The following CSMD1 variants were observed in gnomAD, a reference collection of about 807,000 sequenced individuals.
CSMD1 encodes the protein CUB and sushi domain-containing protein 1.
CSMD1 carries 213 observed loss-of-function variants against 417.5 expected under a neutral mutation model. That is an observed-to-expected ratio of 0.51 (90% confidence interval 0.46 to 0.57). The LOEUF (loss-of-function observed/expected upper bound fraction) is 0.57, where lower values mean the gene tolerates loss of function less well. Among genes scored for constraint, CSMD1 ranks in the 20% least tolerant of loss-of-function variants. The pLI is 0.00. For synonymous variants in CSMD1, 2,862 were observed against 1,736.8 expected (o/e 1.65, Z -16.11); for missense variants, 6,923 against 4,529.7 (o/e 1.53, Z -15.17).
rs116686253 is a variant in CSMD1, at chr8:4,429,128, T to A, written c.303-9063A>T. 5.3e-3 allele frequency among the ~76,000 whole-genome samples: 801 copies of A among 151,572 alleles called. 11 individuals are homozygous for A. The highest frequency in any genetic ancestry group is 0.016 in the African/African-American group (673 of 41,358). ...ACTACTGGTAATCAGTTTTTTTCTATGAAAACTGATATATAATTGGATTAT... is the reference window on the plus strand; with the variant it reads ...ACTACTGGTAATCAGTTTTTTTCTAAGAAAACTGATATATAATTGGATTAT... On this transcript the variant is annotated intron_variant, in intron 2 of 69. Coordinates refer to ENST00000635120, the MANE Select transcript of CSMD1 (RefSeq NM_033225.6).
intron 12 of CSMD1, among the ~76,000 whole-genome samples, chr8:3,417,959 T>C (rs982486761): frequency 2.0e-5 from 3 of 152,146 alleles, no homozygotes; most frequent in African/African-American, 7.2e-5. Context: ...CATGACTCTC[T>C]CCTTGTCCGT....
At chr8:4,225,507 T>C (rs1326489651) in intron 3 of CSMD1, among the ~76,000 whole-genome samples, 1 of 151,734 alleles carries the variant, frequency 6.6e-6, no homozygotes, top group Admixed American at 6.6e-5. Context: ...TCATCACTTT[T>C]TTTTTTTTTT....
intron 2 of CSMD1, among the ~76,000 whole-genome samples, chr8:4,519,914 T>G (rs564381454): frequency 8.4e-5 from 12 of 142,130 alleles, no homozygotes; most frequent in Non-Finnish European, 1.1e-4. Context: ...TTCTCTTACA[T>G]TATGTAGTGT....
At chr8:4,155,511 G>A (rs1240894001) in intron 3 of CSMD1, among the ~76,000 whole-genome samples, 2 of 152,106 alleles carry the variant, frequency 1.3e-5, no homozygotes, top group Non-Finnish European at 2.9e-5. Context: ...GTTCTTAAAC[G>A]CCAAACTTAA....
intron 10 of CSMD1, among the ~76,000 whole-genome samples, chr8:3,518,279 A>C (rs7831146): frequency 0.067 from 10,179 of 152,268 alleles, 959 homozygotes; most frequent in African/African-American, 0.21. Context: ...AAATTATATA[A>C]GAGAGAATTA....
At chr8:3,900,873 T>G (rs1807701312) in intron 5 of CSMD1, among the ~76,000 whole-genome samples, 1 of 152,226 alleles carries the variant, frequency 6.6e-6, no homozygotes, top group African/African-American at 2.4e-5. Context: ...GCCAGCTGCA[T>G]GCCGTGCTCA....
chr8:3,458,848 C>G (rs531510377), intron 12 of CSMD1, among the ~76,000 whole-genome samples: 1 of 152,188 alleles, frequency 6.6e-6, no homozygotes, highest in Non-Finnish European at 1.5e-5. Flanking sequence ...TTCTCAAGGA[C>G]TCGAGGACAC....
In CSMD1 at chr8:3,029,354, G is replaced by C. The variant is rs370511275; in HGVS notation, c.7820C>G (p.Thr2607Arg). Residue 2607 changes from threonine (T) to arginine (R), a missense_variant, in exon 51 of 70, where the codon ACG (threonine) becomes AGG (arginine). Thr to Arg is a moderately conservative substitution (Grantham distance 71). Coordinates refer to ENST00000635120, the MANE Select transcript of CSMD1 (RefSeq NM_033225.6). Reference protein sequence around the residue: ...WRLLRCQANGTWNIGDERPSC... With the variant: ...WRLLRCQANGRWNIGDERPSC... ...TGGCCTCTCATCTCCTATGTTCCACGTCCCATTGGCCTGGCACCGCAGGAG... is the reference window on the plus strand; with the variant it reads ...TGGCCTCTCATCTCCTATGTTCCACCTCCCATTGGCCTGGCACCGCAGGAG... 11 of 1,610,094 alleles carry C rather than the reference G, an allele frequency of 6.8e-6. No homozygotes were observed. The East Asian group carries it at 2.5e-4, about 36-fold the overall frequency.
chr8:4,366,814 C>G (rs374502808), intron 3 of CSMD1, among the ~76,000 whole-genome samples: 1 of 151,996 alleles, frequency 6.6e-6, no homozygotes, highest in Non-Finnish European at 1.5e-5. Flanking sequence ...CCCATTAACT[C>G]GTCATTTGGT....
intron 57 of CSMD1, 98 bp from the exon 58 acceptor site, chr8:2,966,844 C>A: frequency 9.2e-7 from 1 of 1,084,588 alleles, no homozygotes; most frequent in Non-Finnish European, 1.3e-6. Context: ...ATAGACTACA[C>A]ATTTATTACA....
At chr8:4,898,416 A>C (rs1804645199) in intron 1 of CSMD1, among the ~76,000 whole-genome samples, 1 of 151,474 alleles carries the variant, frequency 6.6e-6, no homozygotes, top group Admixed American at 6.6e-5. Flanking sequence ...CCACACAGTG[A>C]CTGGGTGATG....
intron 5 of CSMD1, among the ~76,000 whole-genome samples, chr8:3,944,851 G>C (rs1157272879): frequency 1.3e-5 from 2 of 152,098 alleles, no homozygotes; most frequent in East Asian, 1.9e-4. Context: ...CTATGAGTTG[G>C]CCACAGCTCT....
chr8:4,976,729 T>A (rs746694752), intron 1 of CSMD1, among the ~76,000 whole-genome samples: 1 of 152,230 alleles, frequency 6.6e-6, no homozygotes, highest in Non-Finnish European at 1.5e-5. Flanking sequence ...ATGTCCAGCA[T>A]GTCCTTGCTG....
chr8:4,967,834 A>G (rs183169354), intron 1 of CSMD1, among the ~76,000 whole-genome samples: 49 of 152,302 alleles, frequency 3.2e-4, no homozygotes, highest in Non-Finnish European at 6.3e-4. Context: ...AGGAAGTTGT[A>G]ACAGTTGAGA....
intron 6 of CSMD1, among the ~76,000 whole-genome samples, chr8:3,749,819 T>C (rs1422052394): frequency 6.6e-6 from 1 of 152,124 alleles, no homozygotes; most frequent in Non-Finnish European, 1.5e-5. Flanking sequence ...GTTTGTTTAT[T>C]ACTTCTATGG....
At chr8:4,967,482 C>A (rs1306185740) in intron 1 of CSMD1, among the ~76,000 whole-genome samples, 1 of 152,110 alleles carries the variant, frequency 6.6e-6, no homozygotes, top group Non-Finnish European at 1.5e-5. Context: ...ATTAGGTGTT[C>A]TATGTACACA....
chr8:3,772,420 TAC>T lies in CSMD1; in HGVS notation c.819-18380_819-18379del, dbSNP rs1488798363. On this transcript the variant is annotated intron_variant, in intron 5 of 69. Transcript: ENST00000635120. Reference sequence around the variant, plus strand: ...ACACATATATACATATATTTATATATACACATATATACATACATTTATATATA... The same window carrying T: ...ACACATATATACATATATTTATATATACATATATACATACATTTATATATA... Among the ~76,000 whole-genome samples, 180 of 119,054 alleles carry T rather than the reference TAC, an allele frequency of 1.5e-3. 39 individuals carry two copies. The highest frequency in any genetic ancestry group is 1.8e-3 in the Non-Finnish European group (103 of 58,168). The allele number at this position is 119,054 out of a possible 152,430, so 78.1% of individuals were successfully genotyped here. A position where few individuals can be genotyped will look rare whatever the true frequency, so the allele number is the denominator to read the frequency against.
chr8:3,037,363 G>C, intron 50 of CSMD1, among the ~76,000 whole-genome samples: 1 of 131,908 alleles, frequency 7.6e-6, no homozygotes, highest in African/African-American at 2.8e-5. Flanking sequence ...CCGCCACCAA[G>C]CCCAGCTAAT....
intron 3 of CSMD1, among the ~76,000 whole-genome samples, chr8:4,141,671 C>T (rs959606435): frequency 1.3e-5 from 2 of 151,064 alleles, no homozygotes; most frequent in Non-Finnish European, 2.9e-5. Flanking sequence ...CTCTAAACTT[C>T]TCCAGAAATT....
Sources: gnomAD v4.1 joint callset for allele counts (sites outside exome capture counted in the v4.1 genomes callset) on GRCh38, gnomAD v4.1.1 for gene constraint, MANE v1.5 for transcripts, NCBI Gene and HGNC (gene_info 2026-07-23, HGNC 2026-07-21) for gene names.